Variants in EXOC4 observed in about 807,000 individuals in gnomAD.
EXOC4 encodes SEC8-like 1.
EXOC4 carries 71 observed loss-of-function variants against 107.2 expected under a neutral mutation model. The observed-to-expected ratio is 0.66, with a 90% confidence interval of 0.55 to 0.81. The LOEUF (loss-of-function observed/expected upper bound fraction) is 0.81, where lower values mean the gene tolerates loss of function less well. Among genes scored for constraint, EXOC4 ranks in the 30% least tolerant of loss-of-function variants. The pLI, the probability that EXOC4 is intolerant of heterozygous loss-of-function variation, is 0.00. For missense variants in EXOC4, 1,108 were observed against 1,189.6 expected, an observed-to-expected ratio of 0.93 and a Z score of 1.01; for synonymous variants, 456 against 441.2, an observed-to-expected ratio of 1.03 and a Z score of -0.42.
intron 10 of EXOC4, among the ~76,000 whole-genome samples, chr7:133,761,192 G>A (rs1031387105): frequency 6.6e-6 from 1 of 152,150 alleles, no homozygotes; most frequent in Admixed American, 6.6e-5. Context: ...TTTGAACAAA[G>A]CATTGTAAGC....
the EXOC4 span, among the ~76,000 whole-genome samples, chr7:134,098,874 G>A: frequency 2.0e-5 from 3 of 152,230 alleles, no homozygotes; most frequent in Admixed American, 2.0e-4. Flanking sequence ...TGCAAAGCCA[G>A]TGTTTTGTGC....
the EXOC4 span, among the ~76,000 whole-genome samples, chr7:134,099,294 A>C: frequency 6.6e-6 from 1 of 152,012 alleles, no homozygotes; most frequent in African/African-American, 2.4e-5. Context: ...CATTTTCACC[A>C]TCCGCCTCAT....
intron 13 of EXOC4, among the ~76,000 whole-genome samples, chr7:133,937,484 G>A (rs1800330481): frequency 6.6e-6 from 1 of 152,050 alleles, no homozygotes. Flanking sequence ...GATTAACTTG[G>A]TTATTTTATT....
intron 3 of EXOC4, among the ~76,000 whole-genome samples, chr7:133,291,294 T>C (rs1244783809): frequency 1.3e-5 from 2 of 152,180 alleles, no homozygotes; most frequent in Non-Finnish European, 2.9e-5. Flanking sequence ...ATTTGTCTTT[T>C]TCCTTTGTTT....
Position 133,339,851 on chromosome 7 carries a change from C to T in EXOC4, c.764-16479C>T, listed in dbSNP as rs1056779977. Among the ~76,000 whole-genome samples, 5 of 152,118 alleles carry T rather than the reference C, an allele frequency of 3.3e-5. No individual in the cohort carries two copies. The East Asian group carries it at 9.6e-4, about 29-fold the overall frequency. ...TATAGCAGTGCTACTGATTTGTGTA[C>T]ATTGATTTTGTACTCTGAAACTTCA... On this transcript the variant is annotated intron_variant, in intron 5 of 17. Coordinates refer to ENST00000253861, the MANE Select transcript of EXOC4 (RefSeq NM_021807.4).
chr7:133,259,004 CA>C (rs1795080536), intron 1 of EXOC4, among the ~76,000 whole-genome samples: 1 of 151,974 alleles, frequency 6.6e-6, no homozygotes. Flanking sequence ...AAAAGGACAA[CA>C]ATATTGTGTA....
intron 10 of EXOC4, among the ~76,000 whole-genome samples, chr7:133,724,199 C>T (rs1330711038): frequency 6.6e-6 from 1 of 152,128 alleles, no homozygotes; most frequent in Non-Finnish European, 1.5e-5. Flanking sequence ...ATCTGGTTTT[C>T]CCAGGCTGAT....
intron 10 of EXOC4, among the ~76,000 whole-genome samples, chr7:133,646,036 C>T (rs760987466): frequency 1.3e-4 from 17 of 126,134 alleles, no homozygotes; most frequent in Non-Finnish European, 2.6e-4. Context: ...GAAGCTTCTC[C>T]TCTCCTCCTC....
chr7:133,322,581 CTGTTT>C (rs1554435880), intron 5 of EXOC4, among the ~76,000 whole-genome samples: 1 of 152,120 alleles, frequency 6.6e-6, no homozygotes, highest in Non-Finnish European at 1.5e-5. Context: ...TTCTGTATAT[CTGTTT>C]TGTTACCAAT....
chr7:133,915,853 GAGA>G (rs1262480864), intron 12 of EXOC4, among the ~76,000 whole-genome samples: 2 of 152,314 alleles, frequency 1.3e-5, no homozygotes, highest in Admixed American at 6.5e-5. Flanking sequence ...TGGTTACTAT[GAGA>G]AAACATTTGC....
At chr7:133,374,040 T>C (rs981869998) in intron 6 of EXOC4, among the ~76,000 whole-genome samples, 3 of 152,122 alleles carry the variant, frequency 2.0e-5, no homozygotes, top group Non-Finnish European at 4.4e-5. Flanking sequence ...AAACTATAAG[T>C]CTCAGTGGTA....
intron 9 of EXOC4, among the ~76,000 whole-genome samples, chr7:133,483,588 T>G (rs1799205052): frequency 6.6e-6 from 1 of 152,186 alleles, no homozygotes; most frequent in South Asian, 2.1e-4. Context: ...CAAGGAATAT[T>G]TCTGGTTACA....
intron 17 of EXOC4, among the ~76,000 whole-genome samples, chr7:134,046,795 C>T (rs1795664671): frequency 6.6e-6 from 1 of 152,086 alleles, no homozygotes; most frequent in African/African-American, 2.4e-5. Flanking sequence ...CCCAGCTGTC[C>T]TTCTAAACAC....
chr7:134,097,486 T>C, the EXOC4 span, among the ~76,000 whole-genome samples: 3 of 152,294 alleles, frequency 2.0e-5, no homozygotes, highest in South Asian at 6.2e-4. Flanking sequence ...CAGAGACTTT[T>C]TGTAGTTCCC....
chr7:133,544,536 A>G (rs937972529), intron 9 of EXOC4, among the ~76,000 whole-genome samples: 6 of 152,094 alleles, frequency 3.9e-5, no homozygotes, highest in Non-Finnish European at 7.4e-5. Context: ...ATCAACTCCT[A>G]TAAGAAACTA....
rs534209033 is a variant in EXOC4 at position 133,839,955 on chromosome 7, C to T, written c.1734+22411C>T. 4.6e-5 allele frequency among the ~76,000 whole-genome samples: 7 copies of T among 151,962 alleles called. No homozygotes were observed. In the East Asian group the frequency reaches 1.4e-3, roughly 29 times the overall value. ...AGTTTATTAGAGAAGGGCAGATATACTAATAAATCAATGTTATATCTGCCA... is the reference window on the plus strand; with the variant it reads ...AGTTTATTAGAGAAGGGCAGATATATTAATAAATCAATGTTATATCTGCCA... On this transcript the variant is annotated intron_variant, in intron 11 of 17. Coordinates refer to ENST00000253861, the MANE Select transcript of EXOC4 (RefSeq NM_021807.4).
chr7:133,438,185 C>G (rs1798019782), intron 7 of EXOC4, among the ~76,000 whole-genome samples: 1 of 152,048 alleles, frequency 6.6e-6, no homozygotes, highest in African/African-American at 2.4e-5. Context: ...ATCATTTTCC[C>G]CAAGAGGAAT....
intron 5 of EXOC4, among the ~76,000 whole-genome samples, chr7:133,355,906 G>C (rs1265747561): frequency 6.6e-6 from 1 of 152,022 alleles, no homozygotes. Flanking sequence ...TATTCATGAT[G>C]TCTTTTTCTC....
chr7:133,837,428 C>T (rs905637834), intron 11 of EXOC4, among the ~76,000 whole-genome samples: 1 of 152,178 alleles, frequency 6.6e-6, no homozygotes, highest in African/African-American at 2.4e-5. Context: ...GCTTCTTTGT[C>T]AGATTTAATT....
Sources: allele counts gnomAD v4.1 joint callset (sites outside exome capture counted in the v4.1 genomes callset), GRCh38; gene constraint gnomAD v4.1.1; transcripts MANE v1.5; gene names NCBI Gene and HGNC (gene_info 2026-07-23, HGNC 2026-07-21).